BUB1: variants seen among roughly 807,000 people sequenced by gnomAD.
BUB1 encodes the protein mitotic checkpoint serine/threonine-protein kinase BUB1.
In BUB1, 84 loss-of-function variants were observed where a neutral mutation model predicts 135.2. The observed-to-expected ratio is 0.62, with a 90% confidence interval of 0.52 to 0.74. The LOEUF is 0.74. Ranked by LOEUF, BUB1 falls within the 30% of genes least tolerant of loss-of-function variation. BUB1 has a pLI of 0.00. For missense variants in BUB1, 1,162 were observed against 1,288.3 expected, an observed-to-expected ratio of 0.90 and a Z score of 1.50; for synonymous variants, 403 against 434.4, an observed-to-expected ratio of 0.93 and a Z score of 0.90.
At chr2:110,666,867 C>A (rs942249356) in intron 8 of BUB1, among the ~76,000 whole-genome samples, 3 of 152,192 alleles carry the variant, frequency 2.0e-5, no homozygotes, top group Non-Finnish European at 2.9e-5. Flanking sequence ...CCATTTCCAA[C>A]AACTGGTTAA....
At chr2:110,650,470 G>T in intron 18 of BUB1, 76 bp downstream of exon 18, 1 of 1,380,602 alleles carries the variant, frequency 7.2e-7, no homozygotes, top group South Asian at 1.2e-5. Context: ...GTCCCACTGT[G>T]GGTTTCTTTC....
chr2:110,667,200 A>G (rs1222733568), intron 8 of BUB1, among the ~76,000 whole-genome samples: 1 of 152,214 alleles, frequency 6.6e-6, no homozygotes, highest in Non-Finnish European at 1.5e-5. Context: ...TGACACTGGT[A>G]TGGATATCTA....
Position 110,666,374 on chromosome 2 carries a change from A to G in BUB1, c.846T>C (p.Asn282=), listed in dbSNP as rs371861658. 3 of 1,526,416 alleles carry G rather than the reference A, an allele frequency of 2.0e-6. No homozygotes were observed. The highest frequency in any genetic ancestry group is 2.8e-5 in the African/African-American group (2 of 71,598). The allele number at this position is 1,526,416 out of a possible 1,614,324, so 94.6% of individuals were successfully genotyped here. The change falls in exon 9 of 25, where the codon AAT becomes AAC. Residue 282 remains asparagine (N), a synonymous_variant. Transcript: ENST00000302759. ...DRHYMKRKEA[N]AFEEQLLKQK... ...GTTTTAATAGCTGTTCTTCAAAAGC[A>G]TTTGCTTCTTTCCTTTTCATATAAT... is the stretch of plus-strand genomic sequence containing the variant.
chr2:110,665,702 A>T (rs1445290070), intron 9 of BUB1, among the ~76,000 whole-genome samples: 1 of 152,094 alleles, frequency 6.6e-6, no homozygotes. Context: ...ATCTAGTCAC[A>T]TATTTTTATA....
intron 17 of BUB1, 36 bp from the exon 18 acceptor site, chr2:110,650,820 C>G: frequency 6.5e-7 from 1 of 1,546,336 alleles, no homozygotes; most frequent in Non-Finnish European, 8.9e-7. Context: ...ACCAAAACAC[C>G]ACATGATTAG....
intron 1 of BUB1, chr2:110,674,935 C>T (rs1690532121): frequency 6.3e-6 from 1 of 158,636 alleles, no homozygotes. Context: ...GCCTTTGCTT[C>T]CCAGGAGCAT....
intron 16 of BUB1, among the ~76,000 whole-genome samples, chr2:110,654,060 C>T (rs1689856660): frequency 6.6e-6 from 1 of 152,028 alleles, no homozygotes; most frequent in African/African-American, 2.4e-5. Flanking sequence ...TTCCTATAAT[C>T]CTTCAAGAAA....
intron 5 of BUB1, among the ~76,000 whole-genome samples, chr2:110,670,101 T>C (rs1326052477): frequency 6.6e-6 from 1 of 151,980 alleles, no homozygotes; most frequent in East Asian, 1.9e-4. Context: ...AGAGTGCAAT[T>C]TGGTTTTCAT....
At position 110,655,563 on chromosome 2, in the gene BUB1, GA is replaced by G. The variant is rs201630275; in HGVS notation, c.1876+175del. On this transcript the variant is annotated intron_variant, in intron 16 of 24. Transcript: ENST00000302759. ...ACTTTAGGAAGACAATATGCCAAAG[GA>G]AAAAAAAACCTATGAACAAAAATAC... 4.0e-5 allele frequency among the ~76,000 whole-genome samples: 6 copies of G among 149,430 alleles called. 1 individual carries two copies. Among genetic ancestry groups the G allele is most frequent in the Non-Finnish European group, 8.9e-5 (6 of 67,232 alleles).
chr2:110,639,242 T>C (rs965413063), intron 24 of BUB1, among the ~76,000 whole-genome samples: 9 of 151,916 alleles, frequency 5.9e-5, no homozygotes, highest in Non-Finnish European at 1.0e-4. Flanking sequence ...TAAAAAAAAA[T>C]CTTTGAGAAG....
At chr2:110,645,819 T>G (rs1457422128) in intron 19 of BUB1, among the ~76,000 whole-genome samples, 1 of 152,086 alleles carries the variant, frequency 6.6e-6, no homozygotes, top group Non-Finnish European at 1.5e-5. Flanking sequence ...CCTATTGCCT[T>G]GGCTCCCAAA....
intron 24 of BUB1, 33 bp downstream of exon 24, chr2:110,639,709 T>G: frequency 1.3e-6 from 2 of 1,496,870 alleles, no homozygotes; most frequent in South Asian, 1.1e-5. Flanking sequence ...TTAGTTATTC[T>G]CTTTTCACTA....
intron 19 of BUB1, among the ~76,000 whole-genome samples, chr2:110,647,445 A>T (rs1689671421): frequency 6.6e-6 from 1 of 152,190 alleles, no homozygotes; most frequent in East Asian, 1.9e-4. Flanking sequence ...TAATTAATTA[A>T]TTTCAATTAA....
Position 110,658,487 on chromosome 2 carries a change from A to C in BUB1, c.1439T>G (p.Leu480Arg). ...ATCTTTGTCATCAGAAATATCAGGA[A>C]GTGTAGGAGCCTGAAACATATTCAT... ...FIMNMFQAPT[L>R]PDISDDKDEW... The change falls in exon 13 of 25, where the codon CTT becomes CGT. Residue 480 changes from leucine to arginine, a missense_variant. Transcript: ENST00000302759. 1.2e-6 allele frequency: 2 copies of C among 1,614,084 alleles called. No homozygotes were observed. The highest frequency in any genetic ancestry group is 1.3e-5 in the African/African-American group (1 of 75,052).
intron 24 of BUB1, among the ~76,000 whole-genome samples, chr2:110,639,468 TA>T (rs1463630686): frequency 1.3e-5 from 2 of 151,292 alleles, no homozygotes; most frequent in Non-Finnish European, 2.9e-5. Flanking sequence ...ATTAGGTGAT[TA>T]GGGGTGGAAA....
chr2:110,656,671 T>C (rs916935932), intron 15 of BUB1, among the ~76,000 whole-genome samples: 1 of 152,208 alleles, frequency 6.6e-6, no homozygotes, highest in African/African-American at 2.4e-5. Flanking sequence ...GTTTCCCTAC[T>C]GTAATCTAAT....
At chr2:110,649,419 T>C in intron 18 of BUB1, 42 bp from the exon 19 acceptor site, 3 of 1,515,236 alleles carry the variant, frequency 2.0e-6, no homozygotes, top group Non-Finnish European at 2.7e-6. Context: ...GAACATGAAT[T>C]GAGTACTCAA....
At position 110,657,032 on chromosome 2, in the gene BUB1, T is replaced by C. The variant is rs1257432870; in HGVS notation, c.1698+4A>G. 5.6e-6 allele frequency: 9 copies of C among 1,610,828 alleles called. No individual in the cohort carries two copies. The highest frequency in any genetic ancestry group is 6.8e-6 in the Non-Finnish European group (8 of 1,178,154). ...CATTTCATAGATAAAACAGGTTTGT[T>C]TACCTTTGGTTTTGAAGGAAGTCTG... On this transcript the variant is annotated splice_donor_region_variant and intron_variant, in intron 15 of 24. Coordinates refer to ENST00000302759, the MANE Select transcript of BUB1 (RefSeq NM_004336.5).
chr2:110,647,508 A>C (rs1383814940), intron 19 of BUB1, among the ~76,000 whole-genome samples: 2 of 152,156 alleles, frequency 1.3e-5, no homozygotes, highest in Non-Finnish European at 2.9e-5. Flanking sequence ...TAAATGCAGA[A>C]AATATTGAAA....
Sources: gnomAD v4.1 joint callset for allele counts (sites outside exome capture counted in the v4.1 genomes callset) on GRCh38, gnomAD v4.1.1 for gene constraint, MANE v1.5 for transcripts, NCBI Gene and HGNC (gene_info 2026-07-23, HGNC 2026-07-21) for gene names.